Variants in MSRA observed in about 807,000 individuals in gnomAD.
MSRA encodes the protein mitochondrial peptide methionine sulfoxide reductase.
A neutral mutation model predicts 31.3 loss-of-function variants in MSRA; 54 were observed. The observed-to-expected ratio is 1.73, with a 90% CI of 1.39 to 2.17. The LOEUF (loss-of-function observed/expected upper bound fraction) is 2.17, where lower values mean the gene tolerates loss of function less well. Among genes scored for constraint, MSRA ranks in the 30% most tolerant of loss-of-function variants. MSRA has a pLI of 0.00. For missense variants in MSRA, 507 were observed against 300.9 expected, an observed-to-expected ratio of 1.69 and a Z score of -5.07; for synonymous variants, 169 against 116.5, an observed-to-expected ratio of 1.45 and a Z score of -2.90.
intron 1 of MSRA, among the ~76,000 whole-genome samples, chr8:10,169,132 C>G (rs1805390270): frequency 6.6e-6 from 1 of 152,182 alleles, no homozygotes; most frequent in South Asian, 2.1e-4. Flanking sequence ...TCTAGGACAT[C>G]AGTGTGATGA....
At chr8:10,204,591 A>G (rs1489393464) in intron 1 of MSRA, among the ~76,000 whole-genome samples, 2 of 152,240 alleles carry the variant, frequency 1.3e-5, no homozygotes. Context: ...GCCATAGCTT[A>G]GGTGTGTAGT....
At chr8:10,137,448 G>C (rs969620604) in intron 1 of MSRA, among the ~76,000 whole-genome samples, 1 of 152,022 alleles carries the variant, frequency 6.6e-6, no homozygotes, top group South Asian at 2.1e-4. Context: ...ACCTGGAATC[G>C]GTATTTATTT....
At chr8:10,243,462 A>G (rs961330173) in intron 2 of MSRA, among the ~76,000 whole-genome samples, 14 of 152,244 alleles carry the variant, frequency 9.2e-5, no homozygotes, top group African/African-American at 3.4e-4. Flanking sequence ...CTTAATTTTT[A>G]TAGATACTCA....
intron 5 of MSRA, among the ~76,000 whole-genome samples, chr8:10,334,281 A>C (rs938211417): frequency 6.6e-6 from 1 of 152,136 alleles, no homozygotes; most frequent in Non-Finnish European, 1.5e-5. Context: ...ATGGCAGCAG[A>C]AACATTTTAA....
chr8:10,293,339 C>T (rs932553684), intron 3 of MSRA, among the ~76,000 whole-genome samples: 1 of 152,190 alleles, frequency 6.6e-6, no homozygotes, highest in African/African-American at 2.4e-5. Flanking sequence ...GCTACTGCTT[C>T]CATTTGGATT....
chr8:10,287,664 C>A (rs1162621424), intron 3 of MSRA, among the ~76,000 whole-genome samples: 2 of 152,096 alleles, frequency 1.3e-5, no homozygotes, highest in Non-Finnish European at 2.9e-5. Flanking sequence ...GGCTTTGTTT[C>A]CCTCATAAGT....
At chr8:10,356,068 T>C (rs1274121364) in intron 5 of MSRA, among the ~76,000 whole-genome samples, 1 of 152,162 alleles carries the variant, frequency 6.6e-6, no homozygotes. Flanking sequence ...CCTTCATGTA[T>C]CTGGGGAGCT....
chr8:10,324,390 C>A (rs1413424746), intron 5 of MSRA, among the ~76,000 whole-genome samples: 1 of 152,198 alleles, frequency 6.6e-6, no homozygotes, highest in African/African-American at 2.4e-5. Context: ...CCCTGGCCCT[C>A]TGCTCTCACT....
At chr8:10,259,748 A>G (rs979599513) in intron 3 of MSRA, among the ~76,000 whole-genome samples, 1 of 152,222 alleles carries the variant, frequency 6.6e-6, no homozygotes, top group African/African-American at 2.4e-5. Context: ...GGAGAGATTC[A>G]GGGTGCTTTC....
At chr8:10,227,140 C>T (rs1215035966) in intron 2 of MSRA, among the ~76,000 whole-genome samples, 1 of 152,106 alleles carries the variant, frequency 6.6e-6, no homozygotes, top group Non-Finnish European at 1.5e-5. Context: ...TGAGTAGATC[C>T]TAAAATGTGT....
chr8:10,123,893 C>G (rs1563122748), intron 1 of MSRA, among the ~76,000 whole-genome samples: 1 of 151,330 alleles, frequency 6.6e-6, no homozygotes, highest in African/African-American at 2.4e-5. Context: ...GAGACAGGGT[C>G]TCACTCTGTC....
At chr8:10,187,413 C>T (rs980922024) in intron 1 of MSRA, among the ~76,000 whole-genome samples, 1 of 152,188 alleles carries the variant, frequency 6.6e-6, no homozygotes, top group South Asian at 2.1e-4. Context: ...CCCAAGCTAC[C>T]TTCCACCACC....
intron 1 of MSRA, among the ~76,000 whole-genome samples, chr8:10,131,461 C>T (rs565968186): frequency 1.3e-4 from 20 of 152,198 alleles, no homozygotes; most frequent in African/African-American, 4.6e-4. Context: ...CAGTCCATGC[C>T]GGGGAGTGGC....
chr8:10,054,863 C>G (rs1456737379), intron 1 of MSRA, among the ~76,000 whole-genome samples: 1 of 152,194 alleles, frequency 6.6e-6, no homozygotes, highest in Non-Finnish European at 1.5e-5. Flanking sequence ...CTTTGTTTGG[C>G]TCGTCATCTT....
chr8:10,344,113 G>C (rs1803617452), intron 5 of MSRA, among the ~76,000 whole-genome samples: 1 of 152,186 alleles, frequency 6.6e-6, no homozygotes, highest in Non-Finnish European at 1.5e-5. Context: ...TGCTAAGGAA[G>C]TTGCATGTAT....
rs367732295 is a variant in MSRA, at chr8:10,142,032, C to T, written c.143-65801C>T. 9.8e-5 allele frequency among the ~76,000 whole-genome samples: 15 copies of T among 152,314 alleles called. No homozygotes were observed. In the East Asian group the frequency reaches 1.5e-3, roughly 16 times the overall value. Reference sequence around the variant, plus strand: ...GGAGTGCAATGGCGCGATCTTGGCTCACCGCAACCTCTGCCTCCTGGGTTC... The same window carrying T: ...GGAGTGCAATGGCGCGATCTTGGCTTACCGCAACCTCTGCCTCCTGGGTTC... On this transcript the variant is annotated intron_variant, in intron 1 of 5. Transcript: ENST00000317173.
intron 3 of MSRA, among the ~76,000 whole-genome samples, chr8:10,256,491 G>A (rs992330534): frequency 6.6e-6 from 1 of 152,206 alleles, no homozygotes; most frequent in African/African-American, 2.4e-5. Flanking sequence ...AGTGGGGGAG[G>A]CCTGGAGGCC....
chr8:10,091,575 G>T (rs956432781), intron 1 of MSRA, among the ~76,000 whole-genome samples: 1 of 151,138 alleles, frequency 6.6e-6, no homozygotes. Context: ...TTGGATATAT[G>T]CTCAGAAGTG....
At chr8:10,172,140 C>T (rs939023644) in intron 1 of MSRA, among the ~76,000 whole-genome samples, 2 of 152,210 alleles carry the variant, frequency 1.3e-5, no homozygotes, top group Non-Finnish European at 2.9e-5. Context: ...CAGATGCATG[C>T]TCCCTCCATG....
Sources: allele counts gnomAD v4.1 joint callset (sites outside exome capture counted in the v4.1 genomes callset), GRCh38; gene constraint gnomAD v4.1.1; transcripts MANE v1.5; gene names NCBI Gene and HGNC (gene_info 2026-07-23, HGNC 2026-07-21).